The following NCOA7 variants were observed in gnomAD, a reference collection of about 807,000 sequenced individuals.
NCOA7 encodes the protein nuclear receptor coactivator 7.
Under a neutral mutation model 104.3 loss-of-function variants are expected in NCOA7, and 45 were observed. That is an observed-to-expected ratio of 0.43 (90% CI 0.34 to 0.55). The LOEUF (loss-of-function observed/expected upper bound fraction) is 0.55, where lower values mean the gene tolerates loss of function less well. Ranked by LOEUF, NCOA7 falls within the 20% of genes least tolerant of loss-of-function variation. NCOA7 has a pLI of 0.02. For missense variants in NCOA7, 1,041 were observed against 1,119.7 expected (o/e 0.93, Z 1.00); for synonymous variants, 398 against 402.3 (o/e 0.99, Z 0.13).
At chr6:125,921,203 A>G (rs142209121) in intron 12 of NCOA7, 135 bp downstream of exon 12, 28,607 of 1,193,460 alleles carry the variant, frequency 0.024, 425 homozygotes, top group Non-Finnish European at 0.028. Flanking sequence ...TGAGGTCAGG[A>G]GTTTGAGACC....
intron 1 of NCOA7, among the ~76,000 whole-genome samples, chr6:125,781,932 T>C (rs1234012866): frequency 6.6e-6 from 1 of 152,218 alleles, no homozygotes; most frequent in Non-Finnish European, 1.5e-5. Flanking sequence ...TGAACACACA[T>C]ATACCCTTCA....
At chr6:125,919,246 T>G in intron 11 of NCOA7, 1 of 1,604,772 alleles carries the variant, frequency 6.2e-7, no homozygotes, top group Non-Finnish European at 8.5e-7. Flanking sequence ...AACTAGATAC[T>G]GAGAAAACAG....
At chr6:125,794,301 T>C (rs540428513) in intron 1 of NCOA7, among the ~76,000 whole-genome samples, 7 of 152,300 alleles carry the variant, frequency 4.6e-5, no homozygotes, top group African/African-American at 1.7e-4. Flanking sequence ...GTGTGTTCTT[T>C]TCATCATGCA....
At chr6:125,838,191 A>G (rs754771996) in intron 2 of NCOA7, among the ~76,000 whole-genome samples, 2 of 152,208 alleles carry the variant, frequency 1.3e-5, no homozygotes, top group African/African-American at 4.8e-5. Flanking sequence ...ACCCAAGCCT[A>G]CAATGGGGTG....
chr6:125,889,032 A>G lies in NCOA7; in HGVS notation c.978A>G (p.Lys326=), dbSNP rs1251146822. The G allele has an allele frequency of 2.5e-6, 4 of 1,614,016 alleles. No individual in the cohort carries two copies. The highest frequency in any genetic ancestry group is 1.6e-4 in the Middle Eastern group (1 of 6,082). The change falls in exon 9 of 16, where the codon AAA becomes AAG. Residue 326 remains lysine (K), a synonymous_variant. Coordinates refer to ENST00000392477, the MANE Select transcript of NCOA7 (RefSeq NM_181782.5). ...EKDINPFSKF[K]SINKEKRQQN... is the part of the protein sequence containing the mutation. ...ATATCAACCCATTCAGTAAGTTCAA[A>G]TCTATCAACAAGGAAAAACGACAGC... is the stretch of plus-strand genomic sequence containing the variant.
chr6:125,889,851 A>G lies in NCOA7; in HGVS notation c.1797A>G (p.Ala599=). ...LPVKLNSSTE[A]NVIKEALDSS... The stretch of plus-strand genomic sequence containing the variant: ...TAAAACTGAACTCTTCTACAGAAGC[A>G]AATGTGATTAAAGAGGCTCTAGACT... The change falls in exon 9 of 16, where the codon GCA becomes GCG. Residue 599 remains alanine (A), a synonymous_variant. Transcript: ENST00000392477. The G allele has an allele frequency of 1.2e-6, 2 of 1,613,836 alleles. No homozygotes were observed. The highest frequency in any genetic ancestry group is 1.7e-6 in the Non-Finnish European group (2 of 1,179,926).
intron 8 of NCOA7, among the ~76,000 whole-genome samples, chr6:125,887,557 A>C (rs1351135354): frequency 6.6e-6 from 1 of 152,234 alleles, no homozygotes; most frequent in Middle Eastern, 3.2e-3. Flanking sequence ...GGAGCCAACC[A>C]ATTACATAGG....
At chr6:125,807,041 C>A (rs759103995) in intron 1 of NCOA7, among the ~76,000 whole-genome samples, 13 of 152,150 alleles carry the variant, frequency 8.5e-5, no homozygotes, top group Non-Finnish European at 1.6e-4. Context: ...GATGAGGAAG[C>A]CATTCCATCT....
chr6:125,881,122 CAGT>C lies in NCOA7; in HGVS notation c.494_496del (p.Ser165del), dbSNP rs780949200. On this transcript the variant is annotated inframe_deletion, in exon 6 of 16. Transcript: ENST00000392477. The stretch of plus-strand genomic sequence containing the variant: ...TTGTGCCAGATGCCAACTCTCCTTC[CAGT>C]ACCTTAAGGCTATCATCATCCAGTC... The C allele has an allele frequency of 8.2e-5, 132 of 1,614,012 alleles. No homozygotes were observed. The East Asian group carries it at 2.9e-3, about 35-fold the overall frequency.
intron 13 of NCOA7, 82 bp downstream of exon 13, chr6:125,922,916 T>C (rs761729729): frequency 2.7e-4 from 334 of 1,259,286 alleles, no homozygotes; most frequent in Non-Finnish European, 3.3e-4. Flanking sequence ...TACCATATAC[T>C]TCCATCACCC....
intron 2 of NCOA7, among the ~76,000 whole-genome samples, chr6:125,815,940 A>G (rs554271139): frequency 2.4e-4 from 37 of 152,360 alleles, no homozygotes; most frequent in African/African-American, 8.9e-4. Flanking sequence ...AATGTAGTAT[A>G]TGATTGGTTA....
At chr6:125,922,621 C>T (rs1787678854) in intron 12 of NCOA7, 61 bp from the exon 13 acceptor site, 2 of 1,573,980 alleles carry the variant, frequency 1.3e-6, no homozygotes, top group Non-Finnish European at 1.7e-6. Context: ...TTTTGTGCCA[C>T]ATGTTCGTGA....
At position 125,930,003 on chromosome 6, in the gene NCOA7, A is replaced by C. The variant is rs2128705972; in HGVS notation, c.*1232A>C. On this transcript the variant is annotated 3_prime_UTR_variant, in exon 16 of 16. Transcript: ENST00000392477. ...GAAATGCATTCATATCAAAATTGGA[A>C]TAGAAAGGAAAACCTATTTTTAAGA... The C allele has an allele frequency of 6.6e-6, 1 of 152,380 alleles. No homozygotes were observed. Among genetic ancestry groups the C allele is most frequent in the Admixed American group, 6.5e-5 (1 of 15,310 alleles). 9.4% of individuals were successfully genotyped at this position (152,380 alleles called of 1,614,324 possible).
At chr6:125,834,793 T>G (rs897640408) in intron 2 of NCOA7, among the ~76,000 whole-genome samples, 1 of 152,216 alleles carries the variant, frequency 6.6e-6, no homozygotes, top group Non-Finnish European at 1.5e-5. Context: ...AGTTACAAGT[T>G]GATTTTTAAA....
chr6:125,876,229 T>C (rs186347554), intron 4 of NCOA7, among the ~76,000 whole-genome samples: 3 of 152,358 alleles, frequency 2.0e-5, no homozygotes, highest in Non-Finnish European at 4.4e-5. Flanking sequence ...CAAGCCTCTG[T>C]AGAGTCACAT....
upstream of NCOA7, among the ~76,000 whole-genome samples, chr6:125,787,843 CA>C (rs1774542164): frequency 1.3e-5 from 2 of 152,104 alleles, no homozygotes; most frequent in Admixed American, 1.3e-4. Context: ...GATTGATGGC[CA>C]CATTCTAGAC....
At chr6:125,895,751 G>C (rs1244203310) in intron 10 of NCOA7, among the ~76,000 whole-genome samples, 2 of 152,028 alleles carry the variant, frequency 1.3e-5, no homozygotes, top group Non-Finnish European at 2.9e-5. Context: ...AAGAGAGAGA[G>C]TGGGCGGAGT....
Position 125,922,767 on chromosome 6 carries a change from C to A in NCOA7, c.2456C>A (p.Thr819Lys). The part of the protein sequence containing the change: ...STLEHGTSLK[T>K]LYRKSASLDS... Reference sequence around the variant, plus strand: ...TTAGAGCACGGGACCAGCTTAAAGACGCTCTACCGGAAATCGGCATCACTA... The same window carrying A: ...TTAGAGCACGGGACCAGCTTAAAGAAGCTCTACCGGAAATCGGCATCACTA... The change falls in exon 13 of 16, where the codon ACG (threonine) becomes AAG (lysine). Residue 819 changes from threonine (T) to lysine (K), a missense_variant. By Grantham distance (78) the Thr-to-Lys change is moderately conservative. This residue lies in a region of NCOA7 where 127 missense variants were observed against 177.0 expected (regional missense o/e 0.72). Transcript: ENST00000392477. 6.2e-7 allele frequency: 1 copy of A among 1,614,118 alleles called. No homozygotes were observed. Among genetic ancestry groups the A allele is most frequent in the Non-Finnish European group, 8.5e-7 (1 of 1,180,032 alleles).
chr6:125,814,792 G>A (rs1777427897), intron 1 of NCOA7, among the ~76,000 whole-genome samples: 1 of 152,140 alleles, frequency 6.6e-6, no homozygotes, highest in Non-Finnish European at 1.5e-5. Context: ...TTGCTCAAGT[G>A]GGATGTACTT....
Sources: gnomAD v4.1 joint callset for allele counts (sites outside exome capture counted in the v4.1 genomes callset) on GRCh38, gnomAD v4.1.1 for gene constraint, gnomAD v4.1.1 regional missense constraint, MANE v1.5 for transcripts, NCBI Gene and HGNC (gene_info 2026-07-23, HGNC 2026-07-21) for gene names.